Variants in TSPAN19 observed in about 807,000 individuals in gnomAD.
TSPAN19 encodes the protein tetraspanin-19.
Under a neutral mutation model 35.1 loss-of-function variants are expected in TSPAN19, and 44 were observed. That is an observed-to-expected ratio of 1.25 (90% CI 0.98 to 1.61). The LOEUF is 1.61. Among genes scored for constraint, TSPAN19 ranks in the 40% most tolerant of loss-of-function variants. The pLI, the probability that TSPAN19 is intolerant of heterozygous loss-of-function variation, is 0.00. For missense variants in TSPAN19, 290 were observed against 280.0 expected, an observed-to-expected ratio of 1.04 and a Z score of -0.26; for synonymous variants, 79 against 92.0, an observed-to-expected ratio of 0.86 and a Z score of 0.81.
intron 7 of TSPAN19, 52 bp from the exon 8 acceptor site, chr12:85,016,023 CA>C (rs1332512327): frequency 5.4e-6 from 6 of 1,117,712 alleles, no homozygotes; most frequent in Admixed American, 6.1e-5. Context: ...TGATCTTATA[CA>C]TAAATCTTTA....
chr12:85,023,447 G>T, intron 4 of TSPAN19, 47 bp from the exon 5 acceptor site: 1 of 1,399,640 alleles, frequency 7.1e-7, no homozygotes, highest in Non-Finnish European at 9.9e-7. Context: ...ACTAATATAT[G>T]TTTTGTATGC....
intron 1 of TSPAN19, chr12:85,035,046 A>G (rs1168347942): frequency 1.3e-5 from 2 of 152,184 alleles, no homozygotes; most frequent in East Asian, 1.9e-4. Flanking sequence ...AAATAAAACT[A>G]ATCTTAAGAT....
Position 85,027,976 on chromosome 12 carries a change from T to C in TSPAN19, c.187A>G (p.Met63Val). ...IVPISQILIG[M>V]GSSTVLFCLL... ...CAAAAAAGAACAGTAGAAGATCCCATTCCAATCAAAATTTGAGAAATAGGT... is the reference window on the plus strand; with the variant it reads ...CAAAAAAGAACAGTAGAAGATCCCACTCCAATCAAAATTTGAGAAATAGGT... The change falls in exon 4 of 9, where the codon ATG (methionine) becomes GTG (valine). Residue 63 changes from methionine to valine, a missense_variant. Transcript: ENST00000532498. The C allele has an allele frequency of 1.2e-6, 2 of 1,600,224 alleles. No homozygotes were observed. The highest frequency in any genetic ancestry group is 1.3e-5 in the African/African-American group (1 of 74,550).
rs1402839113 is a variant in TSPAN19, at chr12:85,027,944, C to A, written c.219G>T (p.Leu73Phe). The A allele has an allele frequency of 1.3e-6, 2 of 1,596,542 alleles. No individual in the cohort carries two copies. The highest frequency in any genetic ancestry group is 1.3e-5 in the African/African-American group (1 of 74,454). Residue 73 changes from leucine to phenylalanine, a missense_variant, in exon 4 of 9, where the codon TTG becomes TTT. By Grantham distance (22) the Leu-to-Phe change is conservative (BLOSUM62 0). Transcript: ENST00000532498. Reference protein sequence around the residue: ...MGSSTVLFCLLGYIGIHNEIR... With the variant: ...MGSSTVLFCLFGYIGIHNEIR... ...TTTCGTTGTGAATTCCTATATAACC[C>A]AATAGACAAAAAAGAACAGTAGAAG...
rs1265358043 is a variant in TSPAN19 at position 85,029,904 on chromosome 12, TAAGA to T, written c.39_42del (p.Phe13LeufsTer24). The stretch of plus-strand genomic sequence containing the variant: ...ACCAAGAAAGCTCCATTAATGAGAT[TAAGA>T]AAGTACTTAATAATTATTGTTTTGT... On this transcript the variant is annotated frameshift_variant, in exon 2 of 9. Coordinates refer to ENST00000532498, the MANE Select transcript of TSPAN19 (RefSeq NM_001100917.2). LOFTEE classifies it high-confidence loss of function. 6.8e-7 allele frequency: 1 copy of T among 1,474,110 alleles called. No homozygotes were observed. The highest frequency in any genetic ancestry group is 9.2e-7 in the Non-Finnish European group (1 of 1,088,346). 91.3% of individuals were successfully genotyped at this position (1,474,110 alleles called of 1,614,324 possible). A position where few individuals can be genotyped will look rare whatever the true frequency, so the allele number is the denominator to read the frequency against.
At chr12:85,033,673 A>G (rs1877787037) in intron 1 of TSPAN19, among the ~76,000 whole-genome samples, 1 of 152,158 alleles carries the variant, frequency 6.6e-6, no homozygotes, top group South Asian at 2.1e-4. Context: ...ATGAGGAGAG[A>G]AAGACTCAGC....
At chr12:85,022,629 C>A (rs943654563) in intron 5 of TSPAN19, among the ~76,000 whole-genome samples, 2 of 151,998 alleles carry the variant, frequency 1.3e-5, no homozygotes, top group African/African-American at 2.4e-5. Flanking sequence ...AGTTGGTGAT[C>A]CCTAACCATA....
At chr12:85,029,473 T>C (rs61930043) in intron 3 of TSPAN19, among the ~76,000 whole-genome samples, 535 of 152,248 alleles carry the variant, frequency 3.5e-3, no homozygotes, top group Non-Finnish European at 6.1e-3. Context: ...TTTGTGACTA[T>C]GTAATACATT....
intron 1 of TSPAN19, chr12:85,035,316 A>G (rs554999268): frequency 6.6e-6 from 1 of 152,236 alleles, no homozygotes; most frequent in South Asian, 2.1e-4. Context: ...ATAAAACCAA[A>G]CTTAAAAAAA....
chr12:85,015,073 T>A (rs573511936), intron 8 of TSPAN19: 2 of 152,094 alleles, frequency 1.3e-5, no homozygotes, highest in East Asian at 3.9e-4. Context: ...ATGTCTTGGT[T>A]TACTACCATT....
chr12:85,019,871 T>C (rs1473032399), intron 5 of TSPAN19, 135 bp from the exon 6 acceptor site: 1 of 547,982 alleles, frequency 1.8e-6, no homozygotes, highest in East Asian at 3.1e-5. Context: ...TGTTTATTTC[T>C]TTTTAAAATA....
chr12:85,029,799 A>C lies in TSPAN19; in HGVS notation c.67-8T>G. 6.5e-7 allele frequency: 1 copy of C among 1,540,956 alleles called. No individual in the cohort carries two copies. Among genetic ancestry groups the C allele is most frequent in the Admixed American group, 2.1e-5 (1 of 48,432 alleles). On this transcript the variant is annotated splice_polypyrimidine_tract_variant and splice_region_variant and intron_variant, in intron 2 of 8. Coordinates refer to ENST00000532498, the MANE Select transcript of TSPAN19 (RefSeq NM_001100917.2). ...GAATAAAAGTCCAAGAACCTAAAAA[A>C]AGAAAGTCAATGCTTATTTTTTTGT...
chr12:85,030,212 T>C (rs1877617511), intron 1 of TSPAN19, among the ~76,000 whole-genome samples: 1 of 152,150 alleles, frequency 6.6e-6, no homozygotes, highest in Admixed American at 6.6e-5. Context: ...ATGCTTTGAC[T>C]AGGCAATCAA....
At chr12:85,015,197 T>G (rs1592656624) in intron 8 of TSPAN19, 1 of 151,956 alleles carries the variant, frequency 6.6e-6, no homozygotes, top group East Asian at 1.9e-4. Flanking sequence ...GTCCCCACTA[T>G]AACACTCTAT....
Position 85,029,833 on chromosome 12 carries a change from A to G in TSPAN19, c.67-42T>C, listed in dbSNP as rs779763594. The G allele has an allele frequency of 3.9e-6, 6 of 1,523,246 alleles. No individual in the cohort carries two copies. The Admixed American group carries it at 1.3e-4, about 33-fold the overall frequency. The allele number at this position is 1,523,246 out of a possible 1,614,324, so 94.4% of individuals were successfully genotyped here. On this transcript the variant is annotated intron_variant, in intron 2 of 8. Transcript: ENST00000532498. ...AATGCTTATTTTTTTGTAATTGCCT[A>G]TACAATAGATTACATTTTCTTTACT...
At chr12:85,017,163 C>G in intron 7 of TSPAN19, 1 of 291,216 alleles carries the variant, frequency 3.4e-6, no homozygotes, top group Non-Finnish European at 6.3e-6. Context: ...AGTGCCTCCT[C>G]TTTCTGCAGG....
Position 85,014,400 on chromosome 12 carries a change from C to A in TSPAN19, c.*87G>T. 1.1e-6 allele frequency: 1 copy of A among 896,396 alleles called. No homozygotes were observed. Among genetic ancestry groups the A allele is most frequent in the South Asian group, 1.7e-5 (1 of 58,190 alleles). The allele number at this position is 896,396 out of a possible 1,614,324, so 55.5% of individuals were successfully genotyped here. A position where few individuals can be genotyped will look rare whatever the true frequency, so the allele number is the denominator to read the frequency against. On this transcript the variant is annotated 3_prime_UTR_variant, in exon 9 of 9. Coordinates refer to ENST00000532498, the MANE Select transcript of TSPAN19 (RefSeq NM_001100917.2). Reference sequence around the variant, plus strand: ...ATTTGAATACATCTGTTATTTAATACAATTCAAAACGTTTTTGGAATAAAA... The same window carrying A: ...ATTTGAATACATCTGTTATTTAATAAAATTCAAAACGTTTTTGGAATAAAA...
At chr12:85,031,373 T>C (rs955950680) in intron 1 of TSPAN19, among the ~76,000 whole-genome samples, 1 of 152,120 alleles carries the variant, frequency 6.6e-6, no homozygotes, top group Non-Finnish European at 1.5e-5. Context: ...TACTACCACA[T>C]GTGAAAAGCT....
At chr12:85,036,001 T>C (rs1363773566) in intron 1 of TSPAN19, among the ~76,000 whole-genome samples, 1 of 152,158 alleles carries the variant, frequency 6.6e-6, no homozygotes, top group Non-Finnish European at 1.5e-5. Flanking sequence ...CATACTTCTA[T>C]GTCCCACAAA....
Sources: allele counts gnomAD v4.1 joint callset (sites outside exome capture counted in the v4.1 genomes callset), GRCh38; gene constraint gnomAD v4.1.1; transcripts MANE v1.5; gene names NCBI Gene and HGNC (gene_info 2026-07-23, HGNC 2026-07-21).